The following TPRX1 variants were observed in gnomAD, a reference collection of about 807,000 sequenced individuals.
TPRX1 encodes tetrapeptide repeat homeobox 1.
A neutral mutation model predicts 8.1 loss-of-function variants in TPRX1; 2 were observed. The ratio of observed to expected loss-of-function variants is 0.25; its 90% CI spans 0.10 to 0.78. TPRX1 has a LOEUF of 0.78. Among genes scored for constraint, TPRX1 ranks in the 30% least tolerant of loss-of-function variants. TPRX1 has a pLI of 0.70. For synonymous variants in TPRX1, 257 were observed against 254.1 expected (o/e 1.01, Z -0.11); for missense variants, 517 against 586.9 (o/e 0.88, Z 1.23).
Position 47,813,374 on chromosome 19 carries a change from CA to C in TPRX1, c.151+5093del, listed in dbSNP as rs1345345915. 4.7e-4 allele frequency among the ~76,000 whole-genome samples: 72 copies of C among 152,030 alleles called. 1 individual carries two copies. The highest frequency in any genetic ancestry group is 1.7e-3 in the African/African-American group (71 of 41,506). On this transcript the variant is annotated intron_variant, in intron 2 of 3. Coordinates refer to ENST00000535759, the Ensembl canonical transcript of TPRX1. The stretch of plus-strand genomic sequence containing the variant: ...ACTCCCCAAAAGCCCACGACCCCCC[CA>C]AAACACACAAAAAACAAAAAGCCAC...
intron 2 of TPRX1, among the ~76,000 whole-genome samples, chr19:47,814,822 T>TGA (rs1179488267): frequency 1.3e-5 from 2 of 152,150 alleles, no homozygotes; most frequent in East Asian, 3.9e-4. Flanking sequence ...TTTCTGAGAC[T>TGA]GAGTTTCGCT....
chr19:47,802,196 G>A, exon 4 of TPRX1: 1 of 1,611,866 alleles, frequency 6.2e-7, no homozygotes, highest in Non-Finnish European at 8.5e-7. Context: ...GATCTGGGCT[G>A]GGCTGGGAAT....
intron 2 of TPRX1, among the ~76,000 whole-genome samples, chr19:47,809,272 C>A (rs1459927749): frequency 6.6e-6 from 1 of 151,856 alleles, no homozygotes; most frequent in East Asian, 1.9e-4. Flanking sequence ...ATTCTTTTTT[C>A]TTTTCTTTTT....
At chr19:47,813,931 G>C (rs947426355) in intron 2 of TPRX1, among the ~76,000 whole-genome samples, 1 of 146,144 alleles carries the variant, frequency 6.8e-6, no homozygotes, top group Non-Finnish European at 1.5e-5. Flanking sequence ...GAAGACAGAG[G>C]GGACAGAGAA....
rs368266036 is a variant in TPRX1, at chr19:47,818,340, TCATC to T, written c.151+124_151+127del. On this transcript the variant is annotated intron_variant, in intron 2 of 3. Transcript: ENST00000535759. ...ATCCATCCATCCATCCATCCATCCA[TCATC>T]CATCCATCCATCCATCCATCCATCA... is the stretch of plus-strand genomic sequence containing the variant. 1.2e-3 allele frequency: 267 copies of T among 227,504 alleles called. 9 individuals are homozygous for T. The highest frequency in any genetic ancestry group is 5.1e-3 in the African/African-American group (95 of 18,780). 14.1% of individuals were successfully genotyped at this position (227,504 alleles called of 1,614,324 possible).
At chr19:47,810,045 A>G (rs1967768284) in intron 2 of TPRX1, among the ~76,000 whole-genome samples, 1 of 151,894 alleles carries the variant, frequency 6.6e-6, no homozygotes, top group Non-Finnish European at 1.5e-5. Flanking sequence ...ACCTGAGGTC[A>G]GGAGTTCAAG....
intron 2 of TPRX1, among the ~76,000 whole-genome samples, chr19:47,816,884 G>A (rs1967849021): frequency 6.6e-6 from 1 of 152,194 alleles, no homozygotes; most frequent in South Asian, 2.1e-4. Flanking sequence ...TGTGAGCCCA[G>A]TTTTATACAC....
At chr19:47,814,817 G>A (rs984240111) in intron 2 of TPRX1, among the ~76,000 whole-genome samples, 1 of 151,932 alleles carries the variant, frequency 6.6e-6, no homozygotes, top group Non-Finnish European at 1.5e-5. Context: ...TGTTTTTTCT[G>A]AGACTGAGTT....
intron 2 of TPRX1, among the ~76,000 whole-genome samples, chr19:47,817,367 C>T (rs910398327): frequency 3.9e-5 from 6 of 152,084 alleles, no homozygotes; most frequent in Non-Finnish European, 8.8e-5. Flanking sequence ...GAAGTGTAGT[C>T]TCCAGTTCTG....
chr19:47,807,335 CG>C (rs1421535165), intron 2 of TPRX1, among the ~76,000 whole-genome samples: 1 of 152,034 alleles, frequency 6.6e-6, no homozygotes, highest in Non-Finnish European at 1.5e-5. Flanking sequence ...ATATTACAGG[CG>C]TGAACCAGCG....
intron 2 of TPRX1, among the ~76,000 whole-genome samples, chr19:47,816,675 G>A (rs1967844647): frequency 1.3e-5 from 2 of 151,900 alleles, no homozygotes; most frequent in African/African-American, 4.8e-5. Context: ...TGGGACTACA[G>A]GCGCCCGCCA....
intron 2 of TPRX1, among the ~76,000 whole-genome samples, chr19:47,807,023 G>C (rs762226123): frequency 1.8e-4 from 27 of 151,922 alleles, no homozygotes; most frequent in Non-Finnish European, 3.5e-4. Flanking sequence ...TCCTGCCTCA[G>C]TCGCCCAAGT....
At chr19:47,814,547 T>G (rs1163097846) in intron 2 of TPRX1, among the ~76,000 whole-genome samples, 1 of 152,022 alleles carries the variant, frequency 6.6e-6, no homozygotes, top group African/African-American at 2.4e-5. Flanking sequence ...CTACTCACTC[T>G]CCCCTCTCTG....
chr19:47,807,107 T>C (rs1967742131), intron 2 of TPRX1, among the ~76,000 whole-genome samples: 1 of 152,174 alleles, frequency 6.6e-6, no homozygotes, highest in South Asian at 2.1e-4. Flanking sequence ...GGTTTCACCA[T>C]GTTGGCCAGG....
At chr19:47,811,859 T>C (rs34986829) in intron 2 of TPRX1, among the ~76,000 whole-genome samples, 39,477 of 151,222 alleles carry the variant, frequency 0.26, 5,563 homozygotes, top group Middle Eastern at 0.36. Flanking sequence ...TTATTTATTT[T>C]TAATTTCTTT....
intron 2 of TPRX1, among the ~76,000 whole-genome samples, chr19:47,817,560 A>T (rs1426779948): frequency 6.6e-6 from 1 of 152,210 alleles, no homozygotes; most frequent in Non-Finnish European, 1.5e-5. Context: ...GAGGTCACAC[A>T]GGTGATGAGT....
At chr19:47,813,537 C>T (rs978635926) in intron 2 of TPRX1, among the ~76,000 whole-genome samples, 4 of 152,134 alleles carry the variant, frequency 2.6e-5, no homozygotes, top group African/African-American at 9.7e-5. Flanking sequence ...AAGACACTTT[C>T]CAGGCGCGGG....
chr19:47,816,822 A>G (rs148049351), intron 2 of TPRX1, among the ~76,000 whole-genome samples: 5,105 of 152,188 alleles, frequency 0.034, 175 homozygotes, highest in Middle Eastern at 0.071. Flanking sequence ...GTGAGCCACC[A>G]CGCCCAGCCC....
At chr19:47,818,099 C>G (rs1258071495) in intron 2 of TPRX1, among the ~76,000 whole-genome samples, 1 of 152,246 alleles carries the variant, frequency 6.6e-6, no homozygotes, top group African/African-American at 2.4e-5. Flanking sequence ...TCTGACCTCA[C>G]AGTGCTGCAA....
Sources: gnomAD v4.1 joint callset for allele counts (sites outside exome capture counted in the v4.1 genomes callset) on GRCh38, gnomAD v4.1.1 for gene constraint, MANE v1.5 for transcripts, NCBI Gene and HGNC (gene_info 2026-07-23, HGNC 2026-07-21) for gene names.